TANC1: variants seen among roughly 807,000 people sequenced by gnomAD.
TANC1 encodes the protein tetratricopeptide repeat, ankyrin repeat and coiled-coil containing 1.
In TANC1, 77 loss-of-function variants were observed where a neutral mutation model predicts 149.7. That is an observed-to-expected ratio of 0.51 (90% CI 0.43 to 0.62). TANC1 has a LOEUF of 0.62. Ranked by LOEUF, TANC1 falls within the 20% of genes least tolerant of loss-of-function variation. The pLI is 0.00. For synonymous variants in TANC1, 854 were observed against 925.0 expected (o/e 0.92, Z 1.39); for missense variants, 1,985 against 2,321.8 (o/e 0.85, Z 2.98).
In TANC1 at chr2:159,183,670, G is replaced by A. The variant is rs913508653; in HGVS notation, c.2511-2121G>A. On this transcript the variant is annotated intron_variant, in intron 14 of 26. Coordinates refer to ENST00000263635, the MANE Select transcript of TANC1 (RefSeq NM_033394.3). Reference sequence around the variant, plus strand: ...TTGGGATGGGAGGTGGAAGGGCTTAGGGGGCGGGTGGTTTTGTTTGTTTGT... The same window carrying A: ...TTGGGATGGGAGGTGGAAGGGCTTAAGGGGCGGGTGGTTTTGTTTGTTTGT... Among the ~76,000 whole-genome samples, 47 of 152,234 alleles carry A rather than the reference G, an allele frequency of 3.1e-4. No homozygotes were observed. The Middle Eastern group carries it at 0.017, about 55-fold the overall frequency.
At chr2:159,066,010 G>T (rs766147896) in intron 3 of TANC1, 39 bp downstream of exon 3, 1 of 1,534,004 alleles carries the variant, frequency 6.5e-7, no homozygotes, top group South Asian at 1.1e-5. Flanking sequence ...CATGGACAGC[G>T]GGCAGCAAGC....
chr2:159,087,733 T>C (rs1197994306), intron 3 of TANC1, among the ~76,000 whole-genome samples: 1 of 151,712 alleles, frequency 6.6e-6, no homozygotes, highest in East Asian at 1.9e-4. Flanking sequence ...GGGTTGTGGG[T>C]GAAATTGTGT....
rs551579199 is a variant in TANC1, at chr2:159,030,359, A to C, written c.-16+29170A>C. Among the ~76,000 whole-genome samples, 13 of 152,340 alleles carry C rather than the reference A, an allele frequency of 8.5e-5. 1 individual carries two copies. The highest frequency in any genetic ancestry group is 8.5e-4 in the Admixed American group (13 of 15,294). Reference sequence around the variant, plus strand: ...AGGTTGCTGTTTTTTATGTTATTCTAAAGTGTAGTACACTTTAACCAGCTA... The same window carrying C: ...AGGTTGCTGTTTTTTATGTTATTCTCAAGTGTAGTACACTTTAACCAGCTA... On this transcript the variant is annotated intron_variant, in intron 2 of 26. Coordinates refer to ENST00000263635, the MANE Select transcript of TANC1 (RefSeq NM_033394.3).
chr2:158,987,392 G>T (rs1409331891), intron 1 of TANC1, among the ~76,000 whole-genome samples: 2 of 151,740 alleles, frequency 1.3e-5, no homozygotes, highest in African/African-American at 4.8e-5. Flanking sequence ...CGGCTGTGGT[G>T]GTGCACACCT....
intron 1 of TANC1, among the ~76,000 whole-genome samples, chr2:158,974,646 T>C (rs1185804038): frequency 6.6e-6 from 1 of 152,132 alleles, no homozygotes; most frequent in Non-Finnish European, 1.5e-5. Context: ...TTGGCCAGGC[T>C]GGTCTTGAAC....
chr2:158,997,982 CACAA>C (rs763295587), intron 1 of TANC1, among the ~76,000 whole-genome samples: 8 of 152,172 alleles, frequency 5.3e-5, no homozygotes, highest in Non-Finnish European at 8.8e-5. Context: ...CAAAGTTTAA[CACAA>C]CCAGCAGTAA....
intron 19 of TANC1, among the ~76,000 whole-genome samples, chr2:159,200,825 G>A (rs1161779922): frequency 6.6e-6 from 1 of 152,228 alleles, no homozygotes; most frequent in Non-Finnish European, 1.5e-5. Context: ...GCTCTCAGCT[G>A]TTGGCAGAAT....
At position 159,169,275 on chromosome 2, in the gene TANC1, T is replaced by C; in HGVS notation, c.972T>C (p.Asp324=). Reference sequence around the variant, plus strand: ...CAACAAGCTCAACCAAATTGGAAGATCTGAGTTATTTAGACGGGCAGAGAA... The same window carrying C: ...CAACAAGCTCAACCAAATTGGAAGACCTGAGTTATTTAGACGGGCAGAGAA... ...VAATSSTKLE[D]LSYLDGQRNA... Residue 324 remains aspartate (D), a synonymous_variant, in exon 9 of 27, where the codon GAT becomes GAC. Transcript: ENST00000263635. 1 of 1,613,790 alleles carries C rather than the reference T, an allele frequency of 6.2e-7. No homozygotes were observed. Among genetic ancestry groups the C allele is most frequent in the Non-Finnish European group, 8.5e-7 (1 of 1,179,722 alleles).
chr2:158,976,516 A>G (rs1465910571), intron 1 of TANC1, among the ~76,000 whole-genome samples: 2 of 152,256 alleles, frequency 1.3e-5, no homozygotes, highest in African/African-American at 4.8e-5. Context: ...ATAAGTATAA[A>G]GGAACAAGAA....
At chr2:159,125,841 G>A (rs1292874823) in intron 4 of TANC1, among the ~76,000 whole-genome samples, 1 of 152,090 alleles carries the variant, frequency 6.6e-6, no homozygotes, top group Non-Finnish European at 1.5e-5. Flanking sequence ...ACCCGCCTCG[G>A]TCTCCCAAAG....
intron 7 of TANC1, among the ~76,000 whole-genome samples, chr2:159,157,309 G>GT (rs2053543367): frequency 6.6e-6 from 1 of 152,208 alleles, no homozygotes; most frequent in Admixed American, 6.5e-5. Flanking sequence ...GTTCTCTGTG[G>GT]TTGGTTAGTT....
At chr2:159,125,263 C>T (rs2049314355) in intron 4 of TANC1, among the ~76,000 whole-genome samples, 1 of 152,236 alleles carries the variant, frequency 6.6e-6, no homozygotes, top group South Asian at 2.1e-4. Flanking sequence ...CAGGAGTCTG[C>T]TCTGACAGCA....
chr2:159,048,423 A>G (rs887161719), intron 2 of TANC1, among the ~76,000 whole-genome samples: 12 of 152,186 alleles, frequency 7.9e-5, no homozygotes, highest in Non-Finnish European at 1.8e-4. Flanking sequence ...TGAGACAAGG[A>G]CAGTAGGATC....
intron 5 of TANC1, among the ~76,000 whole-genome samples, chr2:159,141,883 C>T (rs2150246917): frequency 6.6e-6 from 1 of 152,298 alleles, no homozygotes; most frequent in South Asian, 2.1e-4. Context: ...CTGTGTGTCT[C>T]TTACAACAAT....
At chr2:159,201,839 G>A (rs1299543795) in intron 19 of TANC1, among the ~76,000 whole-genome samples, 1 of 152,234 alleles carries the variant, frequency 6.6e-6, no homozygotes, top group African/African-American at 2.4e-5. Context: ...GCTAGCTGAT[G>A]AGGTGACAAG....
chr2:159,059,516 A>AAT (rs35416420), intron 2 of TANC1, among the ~76,000 whole-genome samples: 36,883 of 147,690 alleles, frequency 0.25, 5,866 homozygotes, highest in Non-Finnish European at 0.37. Flanking sequence ...AAAAAAACCA[A>AAT]ATATATAAAA....
chr2:159,149,014 C>A, intron 5 of TANC1, 128 bp from the exon 6 acceptor site: 1 of 1,137,316 alleles, frequency 8.8e-7, no homozygotes, highest in Non-Finnish European at 1.2e-6. Context: ...GTGCGTTGTC[C>A]AACTTTGTGC....
At chr2:159,099,546 A>G (rs950084066) in intron 4 of TANC1, among the ~76,000 whole-genome samples, 2 of 151,962 alleles carry the variant, frequency 1.3e-5, no homozygotes, top group Admixed American at 6.6e-5. Flanking sequence ...GCTTGGCTAC[A>G]CTGTAGTCAT....
chr2:158,987,143 G>A (rs900945290), intron 1 of TANC1, among the ~76,000 whole-genome samples: 7 of 150,394 alleles, frequency 4.7e-5, no homozygotes, highest in Non-Finnish European at 7.4e-5. Flanking sequence ...GAACCCAAGA[G>A]TCGGAGGCTG....
Sources: gnomAD v4.1 joint callset for allele counts (sites outside exome capture counted in the v4.1 genomes callset) on GRCh38, gnomAD v4.1.1 for gene constraint, MANE v1.5 for transcripts, NCBI Gene and HGNC (gene_info 2026-07-23, HGNC 2026-07-21) for gene names.